PKD1L3: variants seen among roughly 807,000 people sequenced by gnomAD.
PKD1L3 encodes polycystin-1-like protein 3.
Under a neutral mutation model 184.1 loss-of-function variants are expected in PKD1L3, and 239 were observed. The observed-to-expected ratio is 1.30, with a 90% CI of 1.17 to 1.45. The LOEUF is 1.45. Ranked by LOEUF, PKD1L3 falls within the 40% of genes most tolerant of loss-of-function variation. PKD1L3 has a pLI of 0.00. For synonymous variants in PKD1L3, 996 were observed against 778.8 expected, an observed-to-expected ratio of 1.28 and a Z score of -4.64; for missense variants, 2,660 against 2,067.2, an observed-to-expected ratio of 1.29 and a Z score of -5.56.
chr16:71,967,092 G>A (rs1281322638), intron 15 of PKD1L3, 45 bp downstream of exon 15: 2 of 1,507,776 alleles, frequency 1.3e-6, no homozygotes, highest in Non-Finnish European at 9.0e-7. Context: ...TTCTCTCTTG[G>A]ATCCACAAAG....
chr16:71,986,238 G>T lies in PKD1L3; in HGVS notation c.817C>A (p.Gln273Lys). Residue 273 changes from glutamine (Q) to lysine (K), a missense_variant, in exon 5 of 30, where the codon CAG (glutamine) becomes AAG (lysine). Coordinates refer to ENST00000620267, the MANE Select transcript of PKD1L3 (RefSeq NM_181536.2). ...ATGTTTACCTGACCAGATGCCTTCT[G>T]CAATGACACTTGTAGATAAGAGGTG... is the stretch of plus-strand genomic sequence containing the variant. The part of the protein sequence containing the change: ...TFTSYLQVSL[Q>K]KASGQVIDEI... 2 of 1,552,356 alleles carry T rather than the reference G, an allele frequency of 1.3e-6. No homozygotes were observed. The highest frequency in any genetic ancestry group is 1.7e-6 in the Non-Finnish European group (2 of 1,147,116).
At chr16:71,974,854 G>A (rs549335750) in intron 11 of PKD1L3, among the ~76,000 whole-genome samples, 10 of 152,290 alleles carry the variant, frequency 6.6e-5, no homozygotes, top group African/African-American at 1.7e-4. Context: ...GTGCCCATGC[G>A]AGAGCCAGAG....
chr16:71,970,153 G>T, intron 12 of PKD1L3, 48 bp from the exon 13 acceptor site: 1 of 1,432,632 alleles, frequency 7.0e-7, no homozygotes. Flanking sequence ...GAGTGCTAAG[G>T]AGGGGACAGA....
intron 19 of PKD1L3, 135 bp from the exon 20 acceptor site, chr16:71,950,445 A>G: frequency 1.4e-6 from 1 of 720,276 alleles, no homozygotes; most frequent in Non-Finnish European, 2.2e-6. Context: ...ACCGTACCCC[A>G]CATTTGCAGT....
At chr16:71,966,740 C>G (rs1049976531) in intron 15 of PKD1L3, among the ~76,000 whole-genome samples, 6 of 152,170 alleles carry the variant, frequency 3.9e-5, no homozygotes, top group African/African-American at 1.4e-4. Flanking sequence ...CCCTTAAGCT[C>G]TTAAATTTGA....
intron 24 of PKD1L3, 43 bp from the exon 25 acceptor site, chr16:71,937,462 T>G (rs1307709917): frequency 6.5e-7 from 1 of 1,535,692 alleles, no homozygotes; most frequent in Non-Finnish European, 8.8e-7. Context: ...GTCTAAAACT[T>G]TTGCCCTCTT....
At position 71,935,467 on chromosome 16, in the gene PKD1L3, T is replaced by C; in HGVS notation, c.4504A>G (p.Ile1502Val). 5.2e-6 allele frequency: 8 copies of C among 1,552,228 alleles called. No individual in the cohort carries two copies. Among genetic ancestry groups the C allele is most frequent in the Non-Finnish European group, 6.1e-6 (7 of 1,147,084 alleles). Residue 1502 changes from isoleucine (I) to valine (V), a missense_variant, in exon 26 of 30, where the codon ATT becomes GTT. Ile to Val is a conservative substitution (Grantham distance 29). Coordinates refer to ENST00000620267, the MANE Select transcript of PKD1L3 (RefSeq NM_181536.2). Reference protein sequence around the residue: ...KWRFFTGKRNILDTSIILISF... With the variant: ...KWRFFTGKRNVLDTSIILISF... ...ATGAGGATTATACTTGTGTCCAGAA[T>C]GTTTCTTTTCCCAGTGAAGAACCTC... is the stretch of plus-strand genomic sequence containing the variant.
chr16:71,967,430 C>G, intron 14 of PKD1L3, 115 bp from the exon 15 acceptor site: 1 of 1,030,098 alleles, frequency 9.7e-7, no homozygotes, highest in Non-Finnish European at 1.4e-6. Flanking sequence ...TCTTTCGGAT[C>G]TTAGACAAGC....
intron 4 of PKD1L3, among the ~76,000 whole-genome samples, chr16:71,989,450 G>A (rs1054435059): frequency 2.6e-5 from 4 of 152,212 alleles, no homozygotes; most frequent in Admixed American, 2.0e-4. Context: ...ACCGTGCCCA[G>A]CCTCTGTTCT....
intron 28 of PKD1L3, among the ~76,000 whole-genome samples, chr16:71,932,833 G>T (rs1273311800): frequency 7.2e-6 from 1 of 139,440 alleles, no homozygotes; most frequent in Non-Finnish European, 1.5e-5. Context: ...GGTCTGGAGT[G>T]TAGTGGCATG....
rs879026344 is a variant in PKD1L3 at position 71,998,279 on chromosome 16, G to T, written c.411C>A (p.Cys137Ter). Residue 137 changes from cysteine (C) to a stop codon, truncating the protein, a stop_gained, in exon 2 of 30, where the codon TGC becomes TGA. Coordinates refer to ENST00000620267, the MANE Select transcript of PKD1L3 (RefSeq NM_181536.2). LOFTEE classifies it high-confidence loss of function. ...TGTAGCTTTATCACTTACCAGTCTGGCAAATGAAATAGTATTTCAGTAAGC... is the reference window on the plus strand; with the variant it reads ...TGTAGCTTTATCACTTACCAGTCTGTCAAATGAAATAGTATTTCAGTAAGC... Reference protein sequence around the residue: ...DKCLLKYYFICQTGDFLDGDA... With the variant: ...DKCLLKYYFI 6.4e-7 allele frequency: 1 copy of T among 1,551,822 alleles called. No homozygotes were observed. Among genetic ancestry groups the T allele is most frequent in the East Asian group, 2.4e-5 (1 of 40,916 alleles).
intron 16 of PKD1L3, among the ~76,000 whole-genome samples, chr16:71,960,320 T>G (rs1357556402): frequency 1.3e-5 from 2 of 152,178 alleles, no homozygotes; most frequent in East Asian, 3.8e-4. Context: ...GTAAACATAT[T>G]AAACTCATGT....
chr16:71,964,252 A>ATT (rs1485110837), intron 15 of PKD1L3, among the ~76,000 whole-genome samples: 1 of 119,710 alleles, frequency 8.4e-6, no homozygotes, highest in East Asian at 2.5e-4. Context: ...TAATGATGCT[A>ATT]TTTTCCCCAA....
chr16:71,964,700 C>T (rs1041916791), intron 15 of PKD1L3, among the ~76,000 whole-genome samples: 1 of 151,910 alleles, frequency 6.6e-6, no homozygotes, highest in Admixed American at 6.6e-5. Flanking sequence ...CCCCCAAAAG[C>T]TCCCTATCCC....
intron 6 of PKD1L3, among the ~76,000 whole-genome samples, chr16:71,982,763 TA>T: frequency 6.6e-6 from 1 of 151,874 alleles, no homozygotes; most frequent in African/African-American, 2.4e-5. Flanking sequence ...ACCTAATTTT[TA>T]AAAATTTTTT....
At chr16:71,931,051 A>AT in intron 28 of PKD1L3, 1 of 151,950 alleles carries the variant, frequency 6.6e-6, no homozygotes. Flanking sequence ...CAATAAGTTT[A>AT]TTTTTATGTA....
At chr16:71,989,325 A>C (rs1010793659) in intron 4 of PKD1L3, among the ~76,000 whole-genome samples, 2 of 152,036 alleles carry the variant, frequency 1.3e-5, no homozygotes, top group African/African-American at 4.8e-5. Context: ...GCTAATTTTT[A>C]TACTTTTAGT....
intron 29 of PKD1L3, 28 bp downstream of exon 29, chr16:71,930,024 C>CAT: frequency 6.5e-7 from 1 of 1,539,074 alleles, no homozygotes; most frequent in Non-Finnish European, 8.8e-7. Context: ...GATATAACAG[C>CAT]ATGCTAGTTT....
At chr16:71,958,348 C>G (rs2039129653) in intron 16 of PKD1L3, among the ~76,000 whole-genome samples, 1 of 140,518 alleles carries the variant, frequency 7.1e-6, no homozygotes, top group Non-Finnish European at 1.5e-5. Flanking sequence ...GATCCCGCCA[C>G]TGCACTCCAG....
Sources: allele counts gnomAD v4.1 joint callset (sites outside exome capture counted in the v4.1 genomes callset), GRCh38; gene constraint gnomAD v4.1.1; transcripts MANE v1.5; gene names NCBI Gene and HGNC (gene_info 2026-07-23, HGNC 2026-07-21).